WDR3: variants seen among roughly 807,000 people sequenced by gnomAD.
WDR3 encodes WD repeat-containing protein 3.
WDR3 carries 81 observed loss-of-function variants against 123.7 expected under a neutral mutation model. The observed-to-expected ratio is 0.65, with a 90% CI of 0.55 to 0.79. WDR3 has a LOEUF of 0.79. WDR3 is among the 30% of genes least tolerant of loss of function. The pLI is 0.00. For synonymous variants in WDR3, 390 were observed against 388.8 expected (o/e 1.00, Z -0.04); for missense variants, 1,027 against 1,123.2 (o/e 0.91, Z 1.22).
rs191550854 is a variant in WDR3 at position 117,954,033 on chromosome 1, G to A, written c.2295G>A (p.Glu765=). Residue 765 remains glutamate, a synonymous_variant, in exon 22 of 27, where the codon GAG becomes GAA. Transcript: ENST00000349139. ...CTGAGAGGATTATGGAGGCTATTGAGTTGTACCGAGAAGAAACTGCAAAAA... is the reference window on the plus strand; with the variant it reads ...CTGAGAGGATTATGGAGGCTATTGAATTGTACCGAGAAGAAACTGCAAAAA... ...KAAERIMEAI[E]LYREETAKMK... 3 of 1,612,284 alleles carry A rather than the reference G, an allele frequency of 1.9e-6. No individual in the cohort carries two copies. Among genetic ancestry groups the A allele is most frequent in the African/African-American group, 2.7e-5 (2 of 74,886 alleles).
At chr1:117,945,913 G>A (rs1651362672) in intron 11 of WDR3, among the ~76,000 whole-genome samples, 173 bp from the exon 12 acceptor site, 1 of 152,164 alleles carries the variant, frequency 6.6e-6, no homozygotes, top group Admixed American at 6.5e-5. Context: ...ACAAAGTTTG[G>A]TGCTTTTTAG....
chr1:117,958,056 A>G (rs910459939), intron 25 of WDR3, among the ~76,000 whole-genome samples: 3 of 152,212 alleles, frequency 2.0e-5, no homozygotes, highest in African/African-American at 7.2e-5. Flanking sequence ...CTCATTCTCA[A>G]GCGGTTACAG....
chr1:117,931,345 T>C (rs1239563167), intron 1 of WDR3, among the ~76,000 whole-genome samples: 3 of 152,264 alleles, frequency 2.0e-5, no homozygotes, highest in Non-Finnish European at 2.9e-5. Context: ...CATAATGTTA[T>C]CAGTTACTAT....
chr1:117,937,579 G>C (rs1650990331), intron 4 of WDR3, among the ~76,000 whole-genome samples: 2 of 152,160 alleles, frequency 1.3e-5, no homozygotes, highest in South Asian at 2.1e-4. Flanking sequence ...GGTTCTGTAA[G>C]AGAATGATTC....
intron 12 of WDR3, among the ~76,000 whole-genome samples, chr1:117,948,005 A>G (rs112532973): frequency 1.3e-5 from 2 of 152,336 alleles, no homozygotes; most frequent in African/African-American, 2.4e-5. Context: ...GCTTAAGCCA[A>G]TAACTATAGA....
chr1:117,931,404 T>C (rs763400508), intron 1 of WDR3, among the ~76,000 whole-genome samples: 4 of 152,238 alleles, frequency 2.6e-5, no homozygotes, highest in Non-Finnish European at 2.9e-5. Flanking sequence ...ATTTTTTTAT[T>C]AATAATTCAA....
chr1:117,955,118 A>G, intron 23 of WDR3, 197 bp from the exon 24 acceptor site: 2 of 473,410 alleles, frequency 4.2e-6, no homozygotes, highest in Non-Finnish European at 3.7e-6. Context: ...CTTGACTTGT[A>G]GCATAGTTGG....
intron 16 of WDR3, 87 bp from the exon 17 acceptor site, chr1:117,951,889 A>G: frequency 7.8e-7 from 1 of 1,278,850 alleles, no homozygotes. Context: ...ATGTGTTTGA[A>G]AGAAATGGGT....
chr1:117,945,062 T>G lies in WDR3; in HGVS notation c.1329-1024T>G, dbSNP rs745947632. Among the ~76,000 whole-genome samples the G allele has an allele frequency of 1.4e-3, 213 of 152,238 alleles. 1 individual carries two copies. The highest frequency in any genetic ancestry group is 2.7e-3 in the Non-Finnish European group (184 of 68,024). ...ATCCTATCAGCTCTACCTTCAAAAG[T>G]GATCCCAAATCCAGCCTCATCTTAC... On this transcript the variant is annotated intron_variant, in intron 11 of 26. Coordinates refer to ENST00000349139, the MANE Select transcript of WDR3 (RefSeq NM_006784.3).
intron 2 of WDR3, 41 bp from the exon 3 acceptor site, chr1:117,934,432 G>A (rs778197989): frequency 6.3e-7 from 1 of 1,598,778 alleles, no homozygotes. Flanking sequence ...TTGAGTTCAT[G>A]CTTAACTCTT....
Position 117,943,545 on chromosome 1 carries a change from G to T in WDR3, c.1247G>T (p.Ser416Ile). The T allele has an allele frequency of 6.2e-7, 1 of 1,614,140 alleles. No individual in the cohort carries two copies. The highest frequency in any genetic ancestry group is 8.5e-7 in the Non-Finnish European group (1 of 1,180,030). Residue 416 changes from serine (S) to isoleucine (I), a missense_variant, in exon 11 of 27, where the codon AGT (serine) becomes ATT (isoleucine). Coordinates refer to ENST00000349139, the MANE Select transcript of WDR3 (RefSeq NM_006784.3). ...TSRITIGGHR[S>I]DVRTLSFSSD... is the part of the protein sequence containing the mutation. ...AGAATCACTATTGGGGGTCATCGCA[G>T]TGATGTGCGGACTTTGTCATTCAGC...
chr1:117,953,398 A>G (rs892186054), intron 20 of WDR3, 78 bp from the exon 21 acceptor site: 9 of 1,381,112 alleles, frequency 6.5e-6, no homozygotes, highest in African/African-American at 1.4e-5. Flanking sequence ...CTGTTCTCAT[A>G]TGGATGTAAG....
chr1:117,938,453 A>G (rs1355986769), intron 4 of WDR3, 27 bp from the exon 5 acceptor site: 10 of 1,599,682 alleles, frequency 6.3e-6, no homozygotes, highest in Non-Finnish European at 8.6e-6. Context: ...AACAGGCTAT[A>G]TATTTTTTTC....
rs369384699 is a variant in WDR3 at position 117,943,376 on chromosome 1, A to G, written c.1098-20A>G. Reference sequence around the variant, plus strand: ...AGCTAAGATGGTAGCTAGAACATTTATGATTATTTTCTTGTACAGGTCCTT... The same window carrying G: ...AGCTAAGATGGTAGCTAGAACATTTGTGATTATTTTCTTGTACAGGTCCTT... On this transcript the variant is annotated intron_variant, in intron 10 of 26. Transcript: ENST00000349139. The G allele has an allele frequency of 1.1e-5, 17 of 1,595,136 alleles. No individual in the cohort carries two copies. Among genetic ancestry groups the G allele is most frequent in the Non-Finnish European group, 1.7e-6 (2 of 1,166,278 alleles).
chr1:117,942,940 C>G (rs192139143), intron 10 of WDR3, among the ~76,000 whole-genome samples: 15 of 138,978 alleles, frequency 1.1e-4, no homozygotes, highest in Admixed American at 2.2e-4. Context: ...AGCTACTACT[C>G]AATACTCGGA....
In WDR3 at chr1:117,962,891, T is replaced by C. The variant is rs1424015862; in HGVS notation, c.*3444T>C. ...TCAATGCAGCCTTTTCAGGCCAGAT[T>C]AGTCTTCAGAAAGAGAGGGAGGTTG... On this transcript the variant is annotated 3_prime_UTR_variant, in exon 27 of 27. Coordinates refer to ENST00000349139, the MANE Select transcript of WDR3 (RefSeq NM_006784.3). The C allele has an allele frequency of 1.3e-5, 2 of 152,262 alleles. No individual in the cohort carries two copies. The highest frequency in any genetic ancestry group is 2.9e-5 in the Non-Finnish European group (2 of 68,066). The allele number at this position is 152,262 out of a possible 1,614,324, so 9.4% of individuals were successfully genotyped here.
At position 117,960,129 on chromosome 1, in the gene WDR3, TGTG is replaced by T. The variant is rs1652849708; in HGVS notation, c.*683_*685del. On this transcript the variant is annotated 3_prime_UTR_variant, in exon 27 of 27. Transcript: ENST00000349139. ...ACACTCGTGTGTGTGTGTGTGTGTG[TGTG>T]TGTGTGTGTGTGTGTATGTGTATGT... 6.8e-6 allele frequency: 1 copy of T among 147,682 alleles called. No individual in the cohort carries two copies. The highest frequency in any genetic ancestry group is 6.6e-5 in the Admixed American group (1 of 15,072). The allele number at this position is 147,682 out of a possible 1,614,324, so 9.1% of individuals were successfully genotyped here.
In WDR3 at chr1:117,943,423, C is replaced by A. The variant is rs548248370; in HGVS notation, c.1125C>A (p.His375Gln). ...CCTTTGACTTGATTCATTCACCTCA[C>A]GGAGAGTTAAAGGCTGTCTTCCTGC... is the stretch of plus-strand genomic sequence containing the variant. Reference protein sequence around the residue: ...IKSFDLIHSPHGELKAVFLLQ... With the variant: ...IKSFDLIHSPQGELKAVFLLQ... The change falls in exon 11 of 27, where the codon CAC (histidine) becomes CAA (glutamine). Residue 375 changes from histidine to glutamine, a missense_variant. Physicochemically the swap from His to Gln is conservative, Grantham distance 24. Coordinates refer to ENST00000349139, the MANE Select transcript of WDR3 (RefSeq NM_006784.3). The A allele has an allele frequency of 6.2e-7, 1 of 1,614,058 alleles. No homozygotes were observed.
chr1:117,950,979 T>C, intron 16 of WDR3, 89 bp downstream of exon 16: 2 of 1,031,112 alleles, frequency 1.9e-6, no homozygotes, highest in Non-Finnish European at 2.9e-6. Flanking sequence ...TCATCTTAGA[T>C]TATTTGTTTT....
Sources: allele counts gnomAD v4.1 joint callset (sites outside exome capture counted in the v4.1 genomes callset), GRCh38; gene constraint gnomAD v4.1.1; transcripts MANE v1.5; gene names NCBI Gene and HGNC (gene_info 2026-07-23, HGNC 2026-07-21).